Variants in SPATA17 observed in about 807,000 individuals in gnomAD.
SPATA17 encodes the protein spermatogenesis associated 17, also known as spermatogenesis-associated protein 17.
SPATA17 carries 53 observed loss-of-function variants against 62.2 expected under a neutral mutation model. That is an observed-to-expected ratio of 0.85 (90% CI 0.68 to 1.07). SPATA17 has a LOEUF of 1.07. Among genes scored for constraint, SPATA17 ranks in the 50% least tolerant of loss-of-function variants. SPATA17 has a pLI of 0.00. For synonymous variants in SPATA17, 146 were observed against 146.8 expected (o/e 0.99, Z 0.04); for missense variants, 466 against 425.5 (o/e 1.10, Z -0.84).
intron 8 of SPATA17, among the ~76,000 whole-genome samples, chr1:217,788,736 C>T (rs1480311728): frequency 1.3e-5 from 2 of 152,086 alleles, no homozygotes; most frequent in East Asian, 1.9e-4. Context: ...CTAGAAGGAA[C>T]GAAGTCCTGC....
intron 9 of SPATA17, among the ~76,000 whole-genome samples, chr1:217,822,724 T>G (rs1674898001): frequency 6.7e-6 from 1 of 150,058 alleles, no homozygotes; most frequent in African/African-American, 2.4e-5. Flanking sequence ...TTAGAACTAT[T>G]TTCCTTTTTA....
chr1:217,675,347 G>A (rs937472304), intron 4 of SPATA17, among the ~76,000 whole-genome samples: 5 of 152,138 alleles, frequency 3.3e-5, no homozygotes, highest in Admixed American at 3.3e-4. Flanking sequence ...TTACACTAAT[G>A]TTTGTAAATT....
At chr1:217,807,965 A>T (rs2102990548) in intron 9 of SPATA17, among the ~76,000 whole-genome samples, 1 of 152,332 alleles carries the variant, frequency 6.6e-6, no homozygotes. Context: ...GTGTATTAAC[A>T]CATGCCATAC....
At chr1:217,727,884 C>T (rs1038446683) in intron 5 of SPATA17, among the ~76,000 whole-genome samples, 1 of 152,168 alleles carries the variant, frequency 6.6e-6, no homozygotes, top group Non-Finnish European at 1.5e-5. Context: ...CTTTTTCCAT[C>T]TGCAAAAATA....
chr1:217,796,695 C>T (rs903752427), intron 8 of SPATA17, among the ~76,000 whole-genome samples: 1 of 152,188 alleles, frequency 6.6e-6, no homozygotes, highest in Non-Finnish European at 1.5e-5. Context: ...GGAAGTCTGT[C>T]TAATTTCTAT....
intron 5 of SPATA17, among the ~76,000 whole-genome samples, chr1:217,685,661 A>C (rs1282444293): frequency 1.3e-5 from 2 of 152,178 alleles, no homozygotes; most frequent in South Asian, 2.1e-4. Context: ...TCAAACCATC[A>C]TTTATTTTAG....
At chr1:217,685,237 T>C (rs1281191701) in intron 5 of SPATA17, among the ~76,000 whole-genome samples, 1 of 152,142 alleles carries the variant, frequency 6.6e-6, no homozygotes, top group African/African-American at 2.4e-5. Context: ...AGTGAGTATG[T>C]CCTTCAATTC....
Position 217,648,958 on chromosome 1 carries a change from C to A in SPATA17, c.145C>A (p.Arg49=). The A allele has an allele frequency of 1.2e-6, 2 of 1,608,992 alleles. No homozygotes were observed. The highest frequency in any genetic ancestry group is 1.7e-6 in the Non-Finnish European group (2 of 1,177,720). ...IQSWFRGCQV[R]AYIRHLNRIV... ...AAGCTGGTTTCGAGGATGTCAAGTTCGGGCATATATCAGGTATATTGCTTT... is the reference window on the plus strand; with the variant it reads ...AAGCTGGTTTCGAGGATGTCAAGTTAGGGCATATATCAGGTATATTGCTTT... Residue 49 remains arginine (R), a synonymous_variant, in exon 2 of 11, where the codon CGG becomes AGG. Coordinates refer to ENST00000366933, the MANE Select transcript of SPATA17 (RefSeq NM_138796.4).
At chr1:217,666,282 C>T (rs751600378) in intron 3 of SPATA17, among the ~76,000 whole-genome samples, 1 of 151,972 alleles carries the variant, frequency 6.6e-6, no homozygotes, top group Non-Finnish European at 1.5e-5. Context: ...CTTTCCTCAC[C>T]CAATTTCATG....
At chr1:217,769,037 T>C (rs780739858) in intron 6 of SPATA17, among the ~76,000 whole-genome samples, 13 of 152,166 alleles carry the variant, frequency 8.5e-5, no homozygotes, top group Non-Finnish European at 1.9e-4. Flanking sequence ...AGTGGACCCT[T>C]TCTCAGTATT....
At chr1:217,823,707 G>A (rs1044352389) in intron 9 of SPATA17, among the ~76,000 whole-genome samples, 4 of 151,870 alleles carry the variant, frequency 2.6e-5, no homozygotes, top group African/African-American at 9.7e-5. Flanking sequence ...TGAAAATGGG[G>A]TGCTGAAGTC....
At chr1:217,805,082 C>G (rs367974550) in intron 9 of SPATA17, among the ~76,000 whole-genome samples, 63 of 152,260 alleles carry the variant, frequency 4.1e-4, no homozygotes, top group African/African-American at 1.4e-3. Flanking sequence ...TCTGCAGCCC[C>G]ATGTTTACTG....
intron 9 of SPATA17, among the ~76,000 whole-genome samples, chr1:217,836,272 GA>G (rs1318325835): frequency 1.3e-5 from 2 of 152,134 alleles, no homozygotes; most frequent in African/African-American, 4.8e-5. Context: ...CAAGGTTGCA[GA>G]TACTCTACTT....
At chr1:217,689,290 A>G (rs1023958436) in intron 5 of SPATA17, among the ~76,000 whole-genome samples, 2 of 143,730 alleles carry the variant, frequency 1.4e-5, no homozygotes, top group Non-Finnish European at 3.0e-5. Context: ...CAGTGGTGCA[A>G]TGTCGGCTTA....
In SPATA17 at chr1:217,634,643, A is replaced by T. The variant is rs1013619184; in HGVS notation, c.68+3197A>T. Among the ~76,000 whole-genome samples the T allele has an allele frequency of 2.0e-5, 3 of 152,198 alleles. No homozygotes were observed. In the South Asian group the frequency reaches 6.2e-4, roughly 31 times the overall value. On this transcript the variant is annotated intron_variant, in intron 1 of 10. Transcript: ENST00000366933. ...AACCATAATTTCTAATCTTTTAACT[A>T]ATTTGTTATTCCAACAAAGGCAGTC...
chr1:217,731,556 T>C (rs1227552283), intron 5 of SPATA17, among the ~76,000 whole-genome samples: 2 of 152,182 alleles, frequency 1.3e-5, no homozygotes, highest in East Asian at 3.8e-4. Context: ...AAGTCTGTTC[T>C]CCCTACTGCT....
chr1:217,851,740 C>A (rs1675670824), intron 9 of SPATA17, among the ~76,000 whole-genome samples: 1 of 152,226 alleles, frequency 6.6e-6, no homozygotes, highest in Admixed American at 6.5e-5. Context: ...AAGTAGAAAA[C>A]ACTGTCTGAT....
In SPATA17 at chr1:217,762,937, G is replaced by A. The variant is rs1157890752; in HGVS notation, c.520-11397G>A. The stretch of plus-strand genomic sequence containing the variant: ...CCACTGCATTCCATCTTGGGTGACA[G>A]AGTGAGACCCTGTCTCAAAAAAACC... On this transcript the variant is annotated intron_variant, in intron 6 of 10. Transcript: ENST00000366933. Among the ~76,000 whole-genome samples the A allele has an allele frequency of 4.6e-5, 7 of 152,176 alleles. No homozygotes were observed. The East Asian group carries it at 1.3e-3, about 29-fold the overall frequency.
chr1:217,865,321 G>T (rs904118697), intron 10 of SPATA17, among the ~76,000 whole-genome samples: 1 of 152,142 alleles, frequency 6.6e-6, no homozygotes, highest in Admixed American at 6.5e-5. Flanking sequence ...TTTCCCATCA[G>T]TCCGATTAGA....
Sources: allele counts gnomAD v4.1 joint callset (sites outside exome capture counted in the v4.1 genomes callset), GRCh38; gene constraint gnomAD v4.1.1; transcripts MANE v1.5; gene names NCBI Gene and HGNC (gene_info 2026-07-23, HGNC 2026-07-21).